The following UNG variants were observed in gnomAD, a reference collection of about 807,000 sequenced individuals.
The protein encoded by UNG is uracil DNA glycosylase.
Under a neutral mutation model 36.5 loss-of-function variants are expected in UNG, and 34 were observed. The ratio of observed to expected loss-of-function variants is 0.93; its 90% confidence interval spans 0.71 to 1.24. The LOEUF (loss-of-function observed/expected upper bound fraction) is 1.24. UNG is among the 50% of genes most tolerant of loss of function. UNG has a pLI of 0.00. For synonymous variants in UNG, 172 were observed against 157.8 expected, an observed-to-expected ratio of 1.09 and a Z score of -0.67; for missense variants, 391 against 397.6, an observed-to-expected ratio of 0.98 and a Z score of 0.14.
intron 6 of UNG, among the ~76,000 whole-genome samples, chr12:109,103,823 G>T (rs2042197379): frequency 6.6e-6 from 1 of 152,142 alleles, no homozygotes; most frequent in Non-Finnish European, 1.5e-5. Context: ...TATGAGGAAA[G>T]CAAAGCAACT....
intron 6 of UNG, 133 bp downstream of exon 6, chr12:109,103,744 G>T (rs898270457): frequency 1.4e-4 from 158 of 1,089,780 alleles, no homozygotes; most frequent in Admixed American, 3.3e-4. Flanking sequence ...TTTCCCTTAG[G>T]CCTGTTATAA....
chr12:109,098,302 G>T, intron 1 of UNG, 130 bp from the exon 2 acceptor site: 1 of 1,584,120 alleles, frequency 6.3e-7, no homozygotes. Flanking sequence ...CTTACTGTCC[G>T]CTTTTGCTGG....
At position 109,102,005 on chromosome 12, in the gene UNG, G is replaced by T. The variant is rs55812333; in HGVS notation, c.533+6G>T. On this transcript the variant is annotated splice_donor_region_variant and intron_variant, in intron 4 of 6. Coordinates refer to ENST00000242576, the MANE Select transcript of UNG (RefSeq NM_080911.3). ...CCTGTTCCGCCTCCGCCCAGGTACA[G>T]TTGCTTTACAGGTGACTGCAGTCCA... is the stretch of plus-strand genomic sequence containing the variant. The T allele has an allele frequency of 6.2e-7, 1 of 1,613,364 alleles. No individual in the cohort carries two copies. Among genetic ancestry groups the T allele is most frequent in the Non-Finnish European group, 8.5e-7 (1 of 1,179,580 alleles).
chr12:109,106,335 C>A (rs2042214855), intron 6 of UNG, among the ~76,000 whole-genome samples: 2 of 152,138 alleles, frequency 1.3e-5, no homozygotes, highest in Admixed American at 1.3e-4. Context: ...TGGCTCCAGG[C>A]TCTGTACTCT....
intron 6 of UNG, among the ~76,000 whole-genome samples, chr12:109,106,366 G>T (rs971300554): frequency 6.6e-6 from 1 of 152,054 alleles, no homozygotes; most frequent in Non-Finnish European, 1.5e-5. Context: ...GGATTGCCTG[G>T]CTTTAGTCCT....
At chr12:109,098,364 G>T in intron 1 of UNG, 68 bp from the exon 2 acceptor site, 1 of 1,602,132 alleles carries the variant, frequency 6.2e-7, no homozygotes, top group Non-Finnish European at 8.5e-7. Context: ...GGGTTGGGCC[G>T]GAAGCTGCGG....
At position 109,103,526 on chromosome 12, in the gene UNG, T is replaced by A. The variant is rs772807380; in HGVS notation, c.716T>A (p.Val239Glu). ...TGGGAGCAGTTCACTGATGCAGTTG[T>A]GTCCTGGCTAAATCAGAACTCGAAT... is the stretch of plus-strand genomic sequence containing the variant. ...RGWEQFTDAV[V>E]SWLNQNSNGL... Residue 239 changes from valine (V) to glutamate (E), a missense_variant, in exon 6 of 7, where the codon GTG (valine) becomes GAG (glutamate). Val to Glu is a moderately radical substitution (Grantham distance 121). Transcript: ENST00000242576. 1.2e-6 allele frequency: 2 copies of A among 1,614,118 alleles called. No homozygotes were observed. The highest frequency in any genetic ancestry group is 2.7e-5 in the African/African-American group (2 of 74,950).
rs1165286696 is a variant in UNG, at chr12:109,098,548, C to T, written c.249C>T (p.Leu83=). The T allele has an allele frequency of 6.2e-7, 1 of 1,613,236 alleles. No homozygotes were observed. The highest frequency in any genetic ancestry group is 2.2e-5 in the East Asian group (1 of 44,886). Reference sequence around the variant, plus strand: ...AGAGGAACAAGGCCGCGGCCCTGCTCAGACTCGCGGCCCGCAACGTGCCCG... The same window carrying T: ...AGAGGAACAAGGCCGCGGCCCTGCTTAGACTCGCGGCCCGCAACGTGCCCG... ...RIQRNKAAAL[L]RLAARNVPVG... is the part of the protein sequence containing the mutation. The change falls in exon 2 of 7, where the codon CTC becomes CTT. Residue 83 remains leucine, a synonymous_variant. Transcript: ENST00000242576.
At chr12:109,098,043 A>G in intron 1 of UNG, 1 of 1,352,954 alleles carries the variant, frequency 7.4e-7, no homozygotes, top group Non-Finnish European at 9.6e-7. Flanking sequence ...CGCGCGCCGC[A>G]GGCCCTCCTG....
intron 6 of UNG, among the ~76,000 whole-genome samples, chr12:109,107,518 C>CTTTTT (rs34833015): frequency 2.1e-4 from 19 of 89,432 alleles, no homozygotes; most frequent in East Asian, 1.1e-3. Flanking sequence ...GACTATTCCT[C>CTTTTT]TTTTTTTTTT....
At chr12:109,102,694 T>C (rs1422605789) in intron 4 of UNG, 145 bp from the exon 5 acceptor site, 10 of 665,120 alleles carry the variant, frequency 1.5e-5, no homozygotes, top group Non-Finnish European at 2.7e-5. Flanking sequence ...AGTGTTGATC[T>C]CATTAATCGG....
chr12:109,102,773 C>T lies in UNG; in HGVS notation c.534-66C>T, dbSNP rs958220287. On this transcript the variant is annotated intron_variant, in intron 4 of 6. Coordinates refer to ENST00000242576, the MANE Select transcript of UNG (RefSeq NM_080911.3). ...CTAACCTTTTCACATATGTCTTAGA[C>T]GTTACTGAGCTTTCAAAATTATGCT... 1.8e-5 allele frequency: 23 copies of T among 1,309,402 alleles called. 1 individual carries two copies. In the Middle Eastern group the frequency reaches 2.2e-3, roughly 124 times the overall value. The allele number at this position is 1,309,402 out of a possible 1,614,324, so 81.1% of individuals were successfully genotyped here.
chr12:109,097,842 G>A (rs775145036), intron 1 of UNG, 31 bp downstream of exon 1: 3 of 1,502,478 alleles, frequency 2.0e-6, no homozygotes, highest in Middle Eastern at 1.8e-4. Context: ...GGGCTAGGGG[G>A]TGAAGGGGGA....
At chr12:109,098,140 T>C in intron 1 of UNG, 1 of 1,291,214 alleles carries the variant, frequency 7.7e-7, no homozygotes, top group African/African-American at 1.8e-5. Context: ...GGGGACGCGG[T>C]GGGGCGGGTC....
At chr12:109,105,110 C>T (rs1298238400) in intron 6 of UNG, 1 of 152,198 alleles carries the variant, frequency 6.6e-6, no homozygotes, top group Non-Finnish European at 1.5e-5. Context: ...GACTGGGTTT[C>T]ACCATGTTGA....
intron 3 of UNG, among the ~76,000 whole-genome samples, chr12:109,101,410 G>A (rs1280947726): frequency 6.6e-6 from 1 of 150,988 alleles, no homozygotes; most frequent in Admixed American, 6.6e-5. Flanking sequence ...TTAATTCATC[G>A]AAAAGTAACT....
rs370117219 is a variant in UNG, at chr12:109,097,630, G to A, written c.-50G>A. The A allele has an allele frequency of 1.3e-4, 199 of 1,587,162 alleles. No homozygotes were observed. The highest frequency in any genetic ancestry group is 5.0e-4 in the Middle Eastern group (3 of 6,056). Reference sequence around the variant, plus strand: ...ACCGCCACAGCCACAGCCAGGGCTAGCCTCGCCGGTTCCCGGGTGGCGCGC... The same window carrying A: ...ACCGCCACAGCCACAGCCAGGGCTAACCTCGCCGGTTCCCGGGTGGCGCGC... On this transcript the variant is annotated 5_prime_UTR_variant, in exon 1 of 7. Transcript: ENST00000242576.
chr12:109,109,716 G>A (rs41547115), intron 6 of UNG, 113 bp from the exon 7 acceptor site: 20 of 1,351,052 alleles, frequency 1.5e-5, no homozygotes, highest in African/African-American at 1.4e-4. Flanking sequence ...CCGGGAGGCG[G>A]AGGTTGCAGT....
intron 6 of UNG, among the ~76,000 whole-genome samples, chr12:109,109,554 G>A (rs933740365): frequency 2.0e-5 from 3 of 151,708 alleles, no homozygotes; most frequent in African/African-American, 7.3e-5. Context: ...GGAGGCCAAG[G>A]CGAGCGGATC....
Sources: allele counts gnomAD v4.1 joint callset (sites outside exome capture counted in the v4.1 genomes callset), GRCh38; gene constraint gnomAD v4.1.1; transcripts MANE v1.5; gene names NCBI Gene and HGNC (gene_info 2026-07-23, HGNC 2026-07-21).